LAMA5: variants seen among roughly 807,000 people sequenced by gnomAD.
LAMA5 encodes laminin subunit alpha 5.
A neutral mutation model predicts 433.4 loss-of-function variants in LAMA5; 260 were observed. The observed-to-expected ratio is 0.60, with a 90% CI of 0.54 to 0.66. LAMA5 has a LOEUF of 0.66. LAMA5 is among the 30% of genes least tolerant of loss of function. The pLI is 0.00. For synonymous variants in LAMA5, 2,620 were observed against 2,226.6 expected, an observed-to-expected ratio of 1.18 and a Z score of -4.97; for missense variants, 5,378 against 5,258.5, an observed-to-expected ratio of 1.02 and a Z score of -0.70.
intron 14 of LAMA5, 38 bp downstream of exon 14, chr20:62,337,978 G>T (rs1196608285): frequency 6.3e-7 from 1 of 1,596,418 alleles, no homozygotes; most frequent in Non-Finnish European, 8.6e-7. Context: ...GCGCCATGTG[G>T]GTGGCAGAAC....
Position 62,351,768 on chromosome 20 carries a change from C to T in LAMA5, c.892G>A (p.Gly298Ser). Residue 298 changes from glycine to serine, a missense_variant, in exon 6 of 80, where the codon GGC (glycine) becomes AGC (serine). Physicochemically the swap from Gly to Ser is moderately conservative, Grantham distance 56. Coordinates refer to ENST00000252999, the MANE Select transcript of LAMA5 (RefSeq NM_005560.6). ...GCGTGGCCGTGGCAGACACAGCGGC[C>T]TCCGATGCTGATATCCTTGATGCTG... ...YYSIKDISIG[G>S]RCVCHGHADA... 1.2e-6 allele frequency: 2 copies of T among 1,611,118 alleles called. No individual in the cohort carries two copies. Among genetic ancestry groups the T allele is most frequent in the Non-Finnish European group, 1.7e-6 (2 of 1,179,592 alleles).
At position 62,330,522 on chromosome 20, in the gene LAMA5, C is replaced by A. The variant is rs1980162755; in HGVS notation, c.3945G>T (p.Val1315=). 6.4e-7 allele frequency: 1 copy of A among 1,573,316 alleles called. No homozygotes were observed. The highest frequency in any genetic ancestry group is 1.3e-5 in the African/African-American group (1 of 74,662). Residue 1315 remains valine (V), a synonymous_variant, in exon 31 of 80, where the codon GTG becomes GTT. Transcript: ENST00000252999. ...CGCGGCCGGCGTTGATGAGGACTTC[C>A]ACGGGGAAGGTGGGGTGGGCTGGCT... ...GYQPAHPTFP[V]EVLINAGRVW...
At chr20:62,346,624 G>A (rs765880095) in intron 8 of LAMA5, 28 bp from the exon 9 acceptor site, 1 of 1,610,530 alleles carries the variant, frequency 6.2e-7, no homozygotes, top group Non-Finnish European at 8.5e-7. Context: ...GTTGAGTCTG[G>A]GGAGGTCCCT....
Position 62,359,385 on chromosome 20 carries a change from C to T in LAMA5, c.450+3015G>A, listed in dbSNP as rs1182277855. The stretch of plus-strand genomic sequence containing the variant: ...GGTGTAGTGGGGCAAGGGCCTGGAC[C>T]CTGCGGCAGAGCCAGGGGGTGGGGG... On this transcript the variant is annotated intron_variant, in intron 2 of 79. Transcript: ENST00000252999. This position sits in a 1 kb window ranked among gnomAD's most constrained non-coding sequence, Gnocchi z 4.3. 6.6e-6 allele frequency among the ~76,000 whole-genome samples: 1 copy of T among 152,128 alleles called. No individual in the cohort carries two copies. Among genetic ancestry groups the T allele is most frequent in the Non-Finnish European group, 1.5e-5 (1 of 68,010 alleles).
Position 62,315,187 on chromosome 20 carries a change from C to T in LAMA5, c.7888G>A (p.Ala2630Thr), listed in dbSNP as rs114717889. Reference sequence around the variant, plus strand: ...TCAGCAGCCACAGCCTTGGCATGTGCGATCTTCTTGCTTGTCTCGTCTGTG... The same window carrying T: ...TCAGCAGCCACAGCCTTGGCATGTGTGATCTTCTTGCTTGTCTCGTCTGTG... ...MDTDETSKKI[A>T]HAKAVAAEAQ... Residue 2630 changes from alanine (A) to threonine (T), a missense_variant, in exon 59 of 80, where the codon GCA becomes ACA. Ala to Thr is a moderately conservative substitution (Grantham distance 58). Coordinates refer to ENST00000252999, the MANE Select transcript of LAMA5 (RefSeq NM_005560.6). 550 of 1,608,888 alleles carry T rather than the reference C, an allele frequency of 3.4e-4. 2 individuals carry two copies. The African/African-American group carries it at 6.4e-3, about 19-fold the overall frequency.
chr20:62,352,144 C>T (rs1984420139), intron 4 of LAMA5, 65 bp from the exon 5 acceptor site: 4 of 1,584,260 alleles, frequency 2.5e-6, no homozygotes, highest in East Asian at 2.3e-5. Context: ...CCCTCCCGGG[C>T]CCACCTTTCC....
At position 62,320,828 on chromosome 20, in the gene LAMA5, C is replaced by T. The variant is rs369801049; in HGVS notation, c.6559G>A (p.Ala2187Thr). The change falls in exon 49 of 80, where the codon GCC (alanine) becomes ACC (threonine). Residue 2187 changes from alanine (A) to threonine (T), a missense_variant. Ala to Thr is a moderately conservative substitution (Grantham distance 58). Coordinates refer to ENST00000252999, the MANE Select transcript of LAMA5 (RefSeq NM_005560.6). ...DLERAGALLP[A>T]IHEQLRGINA... is the part of the protein sequence containing the mutation. Reference sequence around the variant, plus strand: ...ATGCCACGCAGTTGCTCGTGAATGGCGGGGAGGAGGGCGCCGGCCCGTTCC... The same window carrying T: ...ATGCCACGCAGTTGCTCGTGAATGGTGGGGAGGAGGGCGCCGGCCCGTTCC... 98 of 1,612,436 alleles carry T rather than the reference C, an allele frequency of 6.1e-5. No homozygotes were observed. Among genetic ancestry groups the T allele is most frequent in the Middle Eastern group, 1.6e-4 (1 of 6,070 alleles).
chr20:62,329,083 A>G (rs1349327395), intron 33 of LAMA5, 28 bp from the exon 34 acceptor site: 1 of 1,612,240 alleles, frequency 6.2e-7, no homozygotes, highest in Non-Finnish European at 8.5e-7. Context: ...TGGTGAGGCC[A>G]GCTCCCGGCC....
chr20:62,324,218 G>A lies in LAMA5; in HGVS notation c.5644-14C>T, dbSNP rs938868601. Reference sequence around the variant, plus strand: ...GTGCTGGCAGTCCTGGGGCAGAGTGGACAGTCAGAGCTATGGTGGACACCC... The same window carrying A: ...GTGCTGGCAGTCCTGGGGCAGAGTGAACAGTCAGAGCTATGGTGGACACCC... On this transcript the variant is annotated splice_polypyrimidine_tract_variant and intron_variant, in intron 42 of 79. Transcript: ENST00000252999. The surrounding 1 kb of genome is among the most constrained non-coding windows in gnomAD (Gnocchi z 4.4). 2 of 1,577,768 alleles carry A rather than the reference G, an allele frequency of 1.3e-6. No homozygotes were observed. The highest frequency in any genetic ancestry group is 1.4e-5 in the African/African-American group (1 of 72,488).
At chr20:62,314,494 G>GCAC in intron 61 of LAMA5, 54 bp from the exon 62 acceptor site, 1 of 1,609,910 alleles carries the variant, frequency 6.2e-7, no homozygotes, top group Non-Finnish European at 8.5e-7. Flanking sequence ...CAGGGACCAG[G>GCAC]CACCGCTCAT....
rs1441579942 is a variant in LAMA5, at chr20:62,321,684, G to C, written c.6496+335C>G. Among the ~76,000 whole-genome samples, 16 of 107,198 alleles carry C rather than the reference G, an allele frequency of 1.5e-4. No individual in the cohort carries two copies. In the East Asian group the frequency reaches 4.6e-3, roughly 31 times the overall value. The allele number at this position is 107,198 out of a possible 152,430, so 70.3% of individuals were successfully genotyped here. A position where few individuals can be genotyped will look rare whatever the true frequency, so the allele number is the denominator to read the frequency against. On this transcript the variant is annotated intron_variant, in intron 48 of 79. Coordinates refer to ENST00000252999, the MANE Select transcript of LAMA5 (RefSeq NM_005560.6). Reference sequence around the variant, plus strand: ...CCAATGGGGGTGGGGTCAGTGGAGGGGTGGGGTCAGTGGGGGAGGCAGGGC... The same window carrying C: ...CCAATGGGGGTGGGGTCAGTGGAGGCGTGGGGTCAGTGGGGGAGGCAGGGC...
In LAMA5 at chr20:62,316,746, G is replaced by A. The variant is rs1172350215; in HGVS notation, c.7681C>T (p.Arg2561Ter). ...ATVVRQGLVDRAQQLLANSTA... is the reference protein window; with the variant it reads ...ATVVRQGLVD ...CTGTTGGCCAGGAGCTGCTGGGCTC[G>A]GTCCACCAGGCCCTGCCGCACCACC... The change falls in exon 57 of 80, where the codon CGA becomes TGA. Residue 2561 changes from arginine to a stop codon, truncating the protein, a stop_gained. Coordinates refer to ENST00000252999, the MANE Select transcript of LAMA5 (RefSeq NM_005560.6). LOFTEE classifies it high-confidence loss of function. 2.5e-6 allele frequency: 4 copies of A among 1,608,286 alleles called. No individual in the cohort carries two copies. Among genetic ancestry groups the A allele is most frequent in the African/African-American group, 1.3e-5 (1 of 74,982 alleles).
intron 63 of LAMA5, 61 bp from the exon 64 acceptor site, chr20:62,313,521 C>G: frequency 6.4e-7 from 1 of 1,557,848 alleles, no homozygotes; most frequent in Middle Eastern, 1.7e-4. Flanking sequence ...CAGGATGGAC[C>G]AAGGGGACTT....
At chr20:62,366,834 C>G in intron 1 of LAMA5, 115 bp downstream of exon 1, 4 of 1,216,708 alleles carry the variant, frequency 3.3e-6, no homozygotes, top group Non-Finnish European at 4.1e-6. Flanking sequence ...AAATGCGGAA[C>G]CAGAGAGTCC....
In LAMA5 at chr20:62,335,035, T is replaced by C. The variant is rs1753292502; in HGVS notation, c.2468A>G (p.Tyr823Cys). The C allele has an allele frequency of 1.2e-6, 2 of 1,612,584 alleles. No homozygotes were observed. Among genetic ancestry groups the C allele is most frequent in the East Asian group, 2.2e-5 (1 of 44,866 alleles). Residue 823 changes from tyrosine (Y) to cysteine (C), a missense_variant, in exon 20 of 80, where the codon TAT becomes TGT. By Grantham distance (194) the Tyr-to-Cys change is radical. Coordinates refer to ENST00000252999, the MANE Select transcript of LAMA5 (RefSeq NM_005560.6). Reference sequence around the variant, plus strand: ...TGGGCACTCACTGCGGCAGCCAAAATAGTCAGCCTGATCCAGTCCAAAGAA... The same window carrying C: ...TGGGCACTCACTGCGGCAGCCAAAACAGTCAGCCTGATCCAGTCCAAAGAA... ...DGFFGLDQAD[Y>C]FGCRSCRCDI...
At chr20:62,323,704 C>CA in intron 44 of LAMA5, 34 bp from the exon 45 acceptor site, 1 of 1,593,232 alleles carries the variant, frequency 6.3e-7, no homozygotes, top group Non-Finnish European at 8.6e-7. Context: ...CGTCAGTGGC[C>CA]CGTGGCGCCC....
chr20:62,347,361 G>A (rs2146286532), intron 6 of LAMA5, among the ~76,000 whole-genome samples: 1 of 152,244 alleles, frequency 6.6e-6, no homozygotes, highest in East Asian at 1.9e-4. Context: ...GGCACCTCAG[G>A]GGTCAGTAGA....
At position 62,326,569 on chromosome 20, in the gene LAMA5, T is replaced by A. The variant is rs964560040; in HGVS notation, c.5298+108A>T. 5.8e-6 allele frequency: 5 copies of A among 857,916 alleles called. No individual in the cohort carries two copies. The Admixed American group carries it at 6.7e-5, about 12-fold the overall frequency. 53.1% of individuals were successfully genotyped at this position (857,916 alleles called of 1,614,324 possible). On this transcript the variant is annotated intron_variant, in intron 40 of 79. Coordinates refer to ENST00000252999, the MANE Select transcript of LAMA5 (RefSeq NM_005560.6). ...CCCCACCCCGCTTCTGCTCCTGGGC[T>A]GTTTTCCACCACGGAGAATGGGCAC...
At position 62,328,798 on chromosome 20, in the gene LAMA5, G is replaced by A. The variant is rs771788414; in HGVS notation, c.4447+46C>T. On this transcript the variant is annotated intron_variant, in intron 34 of 79. Transcript: ENST00000252999. ...GGTCGACCCGTCCACCTTGGGCTCTGGCACCAACTCCCTGCCACTGGGCGC... is the reference window on the plus strand; with the variant it reads ...GGTCGACCCGTCCACCTTGGGCTCTAGCACCAACTCCCTGCCACTGGGCGC... 41 of 1,574,988 alleles carry A rather than the reference G, an allele frequency of 2.6e-5. No individual in the cohort carries two copies. In the South Asian group the frequency reaches 4.3e-4, roughly 16 times the overall value.
Sources: gnomAD v4.1 joint callset for allele counts (sites outside exome capture counted in the v4.1 genomes callset) on GRCh38, gnomAD v4.1.1 for gene constraint, Gnocchi (gnomAD v3.1) non-coding constraint, MANE v1.5 for transcripts, NCBI Gene and HGNC (gene_info 2026-07-23, HGNC 2026-07-21) for gene names.